The following HAS2 variants were observed in gnomAD, a reference collection of about 807,000 sequenced individuals.
HAS2 encodes hyaluronan synthase 2, also known as HA synthase 2.
Under a neutral mutation model 51.6 loss-of-function variants are expected in HAS2, and 16 were observed. The observed-to-expected ratio is 0.31, with a 90% CI of 0.21 to 0.47. The LOEUF (loss-of-function observed/expected upper bound fraction) is 0.47. Among genes scored for constraint, HAS2 ranks in the 20% least tolerant of loss-of-function variants. HAS2 has a pLI of 1.00. For synonymous variants in HAS2, 228 were observed against 235.5 expected (o/e 0.97, Z 0.29); for missense variants, 361 against 662.6 (o/e 0.54, Z 5.00).
At chr8:121,633,096 A>C (rs1467927462) in intron 1 of HAS2, among the ~76,000 whole-genome samples, 1 of 151,888 alleles carries the variant, frequency 6.6e-6, no homozygotes. Context: ...TCATCGTATA[A>C]GGAAAGATTA....
intron 2 of HAS2, among the ~76,000 whole-genome samples, chr8:121,628,433 G>A (rs1446330371): frequency 6.6e-6 from 1 of 151,642 alleles, no homozygotes; most frequent in Non-Finnish European, 1.5e-5. Flanking sequence ...AGGTAAAAGA[G>A]GGGGAGAGAA....
intron 1 of HAS2, among the ~76,000 whole-genome samples, chr8:121,629,964 G>T (rs979260559): frequency 1.3e-5 from 2 of 152,226 alleles, no homozygotes; most frequent in Middle Eastern, 6.8e-3. Context: ...CAGTTGTTTT[G>T]TAAAAATATC....
At chr8:121,638,498 T>A (rs10086278) in intron 1 of HAS2, among the ~76,000 whole-genome samples, 28,498 of 152,128 alleles carry the variant, frequency 0.19, 2,756 homozygotes, top group Middle Eastern at 0.3. Flanking sequence ...TATTTTTCTA[T>A]TTACCCGACT....
At chr8:121,625,732 G>T (rs934551222) in intron 2 of HAS2, among the ~76,000 whole-genome samples, 1 of 140,076 alleles carries the variant, frequency 7.1e-6, no homozygotes, top group Non-Finnish European at 1.5e-5. Context: ...AGTTGCTCAG[G>T]TTGGTCTCGA....
Position 121,613,815 on chromosome 8 carries a change from C to T in HAS2, c.*294G>A, listed in dbSNP as rs1361684690. 6 of 393,748 alleles carry T rather than the reference C, an allele frequency of 1.5e-5. No homozygotes were observed. The highest frequency in any genetic ancestry group is 5.1e-5 in the East Asian group (1 of 19,470). 24.4% of individuals were successfully genotyped at this position (393,748 alleles called of 1,614,324 possible). A position where few individuals can be genotyped will look rare whatever the true frequency, so the allele number is the denominator to read the frequency against. ...CCATGATAACCCACATAAAGCATGG[C>T]TAGTGAGGTATATAGGGCAAAACAC... On this transcript the variant is annotated 3_prime_UTR_variant, in exon 4 of 4. Transcript: ENST00000303924.
intron 1 of HAS2, among the ~76,000 whole-genome samples, chr8:121,636,247 G>A (rs781637891): frequency 3.9e-5 from 6 of 152,152 alleles, no homozygotes; most frequent in Non-Finnish European, 5.9e-5. Flanking sequence ...ACCCATCCCT[G>A]ATGTGTATTC....
chr8:121,618,265 A>T (rs1812732719), intron 2 of HAS2, among the ~76,000 whole-genome samples: 1 of 152,158 alleles, frequency 6.6e-6, no homozygotes, highest in Non-Finnish European at 1.5e-5. Flanking sequence ...TATGTGGAAA[A>T]GTGGGCTTCA....
Position 121,614,141 on chromosome 8 carries a change from C to G in HAS2, c.1627G>C (p.Gly543Arg). 6.2e-7 allele frequency: 1 copy of G among 1,614,046 alleles called. No homozygotes were observed. Among genetic ancestry groups the G allele is most frequent in the Non-Finnish European group, 8.5e-7 (1 of 1,179,968 alleles). ...LINKCGRRKKGQQYDMVLDV is the reference protein window; with the variant it reads ...LINKCGRRKKRQQYDMVLDV ...TCAAGCACCATGTCATATTGTTGTC[C>G]CTTCTTCCGCCTGCCACACTTATTG... Residue 543 changes from glycine to arginine, a missense_variant, in exon 4 of 4, where the codon GGA becomes CGA. By Grantham distance (125) the Gly-to-Arg change is moderately radical. This residue lies in a region of HAS2 where 61 missense variants were observed against 73.1 expected (regional missense o/e 0.84). Transcript: ENST00000303924. This position sits in a 1 kb window ranked among gnomAD's most constrained non-coding sequence, Gnocchi z 7.2.
intron 1 of HAS2, 69 bp downstream of exon 1, chr8:121,640,784 G>C (rs1228528416): frequency 6.6e-6 from 1 of 152,008 alleles, no homozygotes; most frequent in Admixed American, 6.6e-5. Flanking sequence ...CAATTATAAG[G>C]ATGTCTTCCT....
intron 2 of HAS2, among the ~76,000 whole-genome samples, chr8:121,624,124 T>C (rs748025150): frequency 2.6e-5 from 4 of 152,210 alleles, no homozygotes; most frequent in Non-Finnish European, 5.9e-5. Context: ...GGTTCATTAA[T>C]ATTGAACTCA....
At position 121,629,295 on chromosome 8, in the gene HAS2, T is replaced by A; in HGVS notation, c.46A>T (p.Thr16Ser). The A allele has an allele frequency of 6.2e-7, 1 of 1,611,342 alleles. No individual in the cohort carries two copies. The highest frequency in any genetic ancestry group is 8.5e-7 in the Non-Finnish European group (1 of 1,177,540). Reference protein sequence around the residue: ...FLCILRIIGTTLFGVSLLLGI... With the variant: ...FLCILRIIGTSLFGVSLLLGI... ...AGGAGGAGAGAGACTCCAAAGAGTG[T>A]GGTTCCAATTATTCTCAGGATACAT... Residue 16 changes from threonine to serine, a missense_variant, in exon 2 of 4, where the codon ACA (threonine) becomes TCA (serine). Physicochemically the swap from Thr to Ser is moderately conservative, Grantham distance 58. Around this residue, in one of 5 missense-constraint regions of HAS2, gnomAD observed 145 missense variants for 217.6 expected, o/e 0.67. Transcript: ENST00000303924.
chr8:121,632,453 C>G (rs1281741375), intron 1 of HAS2, among the ~76,000 whole-genome samples: 1 of 152,148 alleles, frequency 6.6e-6, no homozygotes, highest in Non-Finnish European at 1.5e-5. Context: ...TCTACACTCT[C>G]TAAATATTTA....
chr8:121,636,075 A>G (rs1178446086), intron 1 of HAS2, among the ~76,000 whole-genome samples: 1 of 152,210 alleles, frequency 6.6e-6, no homozygotes, highest in Non-Finnish European at 1.5e-5. Flanking sequence ...AAGCCATAAA[A>G]TTTACTGATC....
intron 1 of HAS2, among the ~76,000 whole-genome samples, chr8:121,635,501 A>G (rs1244287592): frequency 7.9e-5 from 12 of 152,176 alleles, no homozygotes; most frequent in Admixed American, 7.9e-4. Flanking sequence ...AAAGAATAGG[A>G]GGACTGGGAA....
chr8:121,628,630 A>T (rs1437653332), intron 2 of HAS2, 84 bp downstream of exon 2: 5 of 1,201,424 alleles, frequency 4.2e-6, no homozygotes, highest in Non-Finnish European at 5.9e-6. Flanking sequence ...AGGGACAAGG[A>T]TGGGCTATAG....
Position 121,614,005 on chromosome 8 carries a change from A to G in HAS2, c.*104T>C. The G allele has an allele frequency of 6.3e-7, 1 of 1,574,846 alleles. No individual in the cohort carries two copies. Among genetic ancestry groups the G allele is most frequent in the Non-Finnish European group, 8.7e-7 (1 of 1,153,664 alleles). On this transcript the variant is annotated 3_prime_UTR_variant, in exon 4 of 4. Transcript: ENST00000303924. The surrounding 1 kb of genome is among the most constrained non-coding windows in gnomAD (Gnocchi z 7.2). ...ATGTCTTTGTTCAAGTCCCAGCAGC[A>G]GTGATATGTCTCCTTTGGTGGCATT...
At chr8:121,623,489 G>A (rs1812801793) in intron 2 of HAS2, among the ~76,000 whole-genome samples, 1 of 152,118 alleles carries the variant, frequency 6.6e-6, no homozygotes, top group African/African-American at 2.4e-5. Flanking sequence ...GAAGCAATCT[G>A]GGGGGAAAAG....
chr8:121,641,403 G>C lies in HAS2; in HGVS notation c.-551C>G, dbSNP rs1813103436. ...ACGTCTTGACTTCTCCTTCCCCGCC[G>C]TTGTTGCCCTTCTGCCTCCTCCAAC... On this transcript the variant is annotated 5_prime_UTR_variant, in exon 1 of 4. Transcript: ENST00000303924. 1 of 152,096 alleles carries C rather than the reference G, an allele frequency of 6.6e-6. No homozygotes were observed. The highest frequency in any genetic ancestry group is 1.5e-5 in the Non-Finnish European group (1 of 68,124). The allele number at this position is 152,096 out of a possible 1,614,324, so 9.4% of individuals were successfully genotyped here.
chr8:121,640,043 G>A (rs961193659), intron 1 of HAS2: 1 of 152,226 alleles, frequency 6.6e-6, no homozygotes, highest in African/African-American at 2.4e-5. Context: ...CGCAGCGCGC[G>A]GTCCCCACGC....
Sources: gnomAD v4.1 joint callset for allele counts (sites outside exome capture counted in the v4.1 genomes callset) on GRCh38, gnomAD v4.1.1 for gene constraint, gnomAD v4.1.1 regional missense constraint, Gnocchi (gnomAD v3.1) non-coding constraint, MANE v1.5 for transcripts, NCBI Gene and HGNC (gene_info 2026-07-23, HGNC 2026-07-21) for gene names.